The following CRISPLD2 variants were observed in gnomAD, a reference collection of about 807,000 sequenced individuals.
The protein encoded by CRISPLD2 is cysteine rich secretory protein LCCL domain containing 2, also known as cysteine-rich secretory protein LCCL domain-containing 2.
In CRISPLD2, 47 loss-of-function variants were observed where a neutral mutation model predicts 71.1. That is an observed-to-expected ratio of 0.66 (90% CI 0.52 to 0.84). CRISPLD2 has a LOEUF of 0.84. Among genes scored for constraint, CRISPLD2 ranks in the 40% least tolerant of loss-of-function variants. CRISPLD2 has a pLI of 0.00. For missense variants in CRISPLD2, 830 were observed against 651.1 expected (o/e 1.27, Z -2.99); for synonymous variants, 317 against 250.1 (o/e 1.27, Z -2.52).
At chr16:84,906,486 G>A (rs1426881175) in intron 14 of CRISPLD2, 102 bp from the exon 15 acceptor site, 10 of 1,199,820 alleles carry the variant, frequency 8.3e-6, no homozygotes, top group East Asian at 2.4e-5. Flanking sequence ...CTTCCACTAC[G>A]GGAGCAAGCA....
At chr16:84,898,100 T>C (rs1237232738) in intron 14 of CRISPLD2, among the ~76,000 whole-genome samples, 2 of 152,246 alleles carry the variant, frequency 1.3e-5, no homozygotes, top group African/African-American at 4.8e-5. Flanking sequence ...GTTTCCTTTT[T>C]TCTTTCACTG....
At chr16:84,883,850 T>A (rs562963297) in intron 13 of CRISPLD2, among the ~76,000 whole-genome samples, 1 of 151,104 alleles carries the variant, frequency 6.6e-6, no homozygotes, top group East Asian at 1.9e-4. Context: ...TAATTTTTTT[T>A]TTTTTTTTTT....
intron 14 of CRISPLD2, among the ~76,000 whole-genome samples, chr16:84,903,521 G>A (rs564926733): frequency 6.6e-6 from 1 of 151,224 alleles, no homozygotes; most frequent in East Asian, 2.0e-4. Flanking sequence ...GAACCTGGGA[G>A]GCGGCGGTTG....
At chr16:84,834,828 C>A (rs1472398843) in intron 1 of CRISPLD2, among the ~76,000 whole-genome samples, 1 of 152,066 alleles carries the variant, frequency 6.6e-6, no homozygotes, top group African/African-American at 2.4e-5. Flanking sequence ...CTCTGCGTGT[C>A]TCGGTCCTAA....
At chr16:84,845,739 C>G in intron 2 of CRISPLD2, 47 bp from the exon 3 acceptor site, 1 of 1,287,262 alleles carries the variant, frequency 7.8e-7, no homozygotes, top group Non-Finnish European at 1.1e-6. Context: ...TTCTTATGCC[C>G]CTCCCTCACC....
intron 1 of CRISPLD2, among the ~76,000 whole-genome samples, chr16:84,836,637 A>G (rs1471919753): frequency 6.6e-6 from 1 of 152,134 alleles, no homozygotes. Flanking sequence ...TCTTTGGCTC[A>G]GCCTCTGTCG....
intron 14 of CRISPLD2, among the ~76,000 whole-genome samples, chr16:84,902,138 G>C (rs2071760726): frequency 6.6e-6 from 1 of 151,980 alleles, no homozygotes; most frequent in South Asian, 2.1e-4. Context: ...GGTCTACAAG[G>C]CGCCATGCTG....
At chr16:84,869,453 G>C (rs1158779110) in intron 8 of CRISPLD2, among the ~76,000 whole-genome samples, 1 of 152,228 alleles carries the variant, frequency 6.6e-6, no homozygotes, top group African/African-American at 2.4e-5. Context: ...ATGTTAAAAA[G>C]GGAAGGTTGA....
intron 1 of CRISPLD2, among the ~76,000 whole-genome samples, chr16:84,832,523 C>T (rs74987796): frequency 0.01 from 1,555 of 152,396 alleles, 24 homozygotes; most frequent in East Asian, 0.031. Context: ...CTGACTTAGA[C>T]ATCGACGCTT....
At position 84,890,142 on chromosome 16, in the gene CRISPLD2, A is replaced by G. The variant is rs567152550; in HGVS notation, c.1439+779A>G. On this transcript the variant is annotated intron_variant, in intron 14 of 14. Transcript: ENST00000262424. Reference sequence around the variant, plus strand: ...GGGAGGCCGAGGCAGGCAGATCATGAGGTCAGGAGATCGAGACCATCCTGG... The same window carrying G: ...GGGAGGCCGAGGCAGGCAGATCATGGGGTCAGGAGATCGAGACCATCCTGG... Among the ~76,000 whole-genome samples, 10 of 151,876 alleles carry G rather than the reference A, an allele frequency of 6.6e-5. No individual in the cohort carries two copies. In the East Asian group the frequency reaches 2.0e-3, roughly 30 times the overall value.
rs952252934 is a variant in CRISPLD2 at position 84,907,126 on chromosome 16, C to T, written c.*484C>T. The T allele has an allele frequency of 5.6e-6, 1 of 180,036 alleles. No individual in the cohort carries two copies. Among genetic ancestry groups the T allele is most frequent in the African/African-American group, 2.4e-5 (1 of 41,696 alleles). The allele number at this position is 180,036 out of a possible 1,614,324, so 11.2% of individuals were successfully genotyped here. A position where few individuals can be genotyped will look rare whatever the true frequency, so the allele number is the denominator to read the frequency against. The stretch of plus-strand genomic sequence containing the variant: ...AAGGTAGTTATTTAAAAATAAAAAA[C>T]ACAGTCCGTCCCTACCAATAGAGGA... On this transcript the variant is annotated 3_prime_UTR_variant, in exon 15 of 15. Transcript: ENST00000262424.
At chr16:84,854,451 G>A (rs149297970) in intron 5 of CRISPLD2, among the ~76,000 whole-genome samples, 2 of 152,184 alleles carry the variant, frequency 1.3e-5, no homozygotes, top group East Asian at 3.9e-4. Flanking sequence ...GTGGAAGGGG[G>A]GCCACGGGGC....
chr16:84,860,975 C>G (rs529256113), intron 6 of CRISPLD2, among the ~76,000 whole-genome samples: 1 of 152,306 alleles, frequency 6.6e-6, no homozygotes, highest in East Asian at 1.9e-4. Context: ...GTCCGGTGAA[C>G]TTAGAAGCAA....
intron 14 of CRISPLD2, among the ~76,000 whole-genome samples, chr16:84,890,689 G>C (rs1172902353): frequency 6.6e-6 from 1 of 151,954 alleles, no homozygotes; most frequent in Non-Finnish European, 1.5e-5. Flanking sequence ...ATCACCTGAG[G>C]TCAGGTGAGG....
intron 12 of CRISPLD2, among the ~76,000 whole-genome samples, chr16:84,879,765 C>T (rs117083016): frequency 6.6e-6 from 1 of 152,192 alleles, no homozygotes; most frequent in Non-Finnish European, 1.5e-5. Flanking sequence ...GTCCCTTTGC[C>T]TGGCCTTCTT....
At position 84,877,636 on chromosome 16, in the gene CRISPLD2, G is replaced by A. The variant is rs905071632; in HGVS notation, c.1229+126G>A. ...AGGCCGAGGCGGGTGGATCACTTGA[G>A]GCCAGGAGTTCGTGACCAGCCTGGC... On this transcript the variant is annotated intron_variant, in intron 12 of 14. Transcript: ENST00000262424. The A allele has an allele frequency of 6.6e-5, 46 of 695,692 alleles. No homozygotes were observed. In the East Asian group the frequency reaches 7.6e-4, roughly 11 times the overall value. 43.1% of individuals were successfully genotyped at this position (695,692 alleles called of 1,614,324 possible).
intron 1 of CRISPLD2, among the ~76,000 whole-genome samples, chr16:84,831,041 C>T (rs188235840): frequency 2.7e-4 from 41 of 152,248 alleles, no homozygotes; most frequent in African/African-American, 7.7e-4. Flanking sequence ...ACCACTGTTC[C>T]GGCCCTTGAG....
At chr16:84,836,044 A>G (rs574917925) in intron 1 of CRISPLD2, 1 of 152,350 alleles carries the variant, frequency 6.6e-6, no homozygotes, top group South Asian at 2.1e-4. Flanking sequence ...ACCTGACCTC[A>G]TGTGATGGGT....
intron 1 of CRISPLD2, among the ~76,000 whole-genome samples, chr16:84,823,706 G>A (rs1916282558): frequency 6.6e-6 from 1 of 152,184 alleles, no homozygotes; most frequent in Non-Finnish European, 1.5e-5. Flanking sequence ...TCCAGCCCGA[G>A]GGAGATTTAT....
Sources: gnomAD v4.1 joint callset for allele counts (sites outside exome capture counted in the v4.1 genomes callset) on GRCh38, gnomAD v4.1.1 for gene constraint, MANE v1.5 for transcripts, NCBI Gene and HGNC (gene_info 2026-07-23, HGNC 2026-07-21) for gene names.